GATA2: variants seen among roughly 807,000 people sequenced by gnomAD.
GATA2 encodes the protein endothelial transcription factor GATA-2.
GATA2 carries 6 observed loss-of-function variants against 35.7 expected under a neutral mutation model. That is an observed-to-expected ratio of 0.17 (90% CI 0.09 to 0.33). The LOEUF is 0.33. GATA2 is among the 10% of genes least tolerant of loss of function. The pLI is 1.00. For synonymous variants in GATA2, 313 were observed against 274.9 expected (o/e 1.14, Z -1.37); for missense variants, 541 against 656.6 (o/e 0.82, Z 1.92).
chr3:128,487,950 A>T (rs994000508), intron 1 of GATA2: 1 of 152,230 alleles, frequency 6.6e-6, no homozygotes, highest in East Asian at 1.9e-4. Context: ...GGGGCCGCGC[A>T]CGCCTAAGAA....
intron 1 of GATA2, chr3:128,490,554 A>T (rs2068757807): frequency 6.6e-6 from 1 of 152,230 alleles, no homozygotes; most frequent in South Asian, 2.1e-4. Flanking sequence ...GGACTGCTGC[A>T]TTCTCTGGCG....
chr3:128,484,088 C>A, intron 3 of GATA2, 83 bp from the exon 4 acceptor site: 2 of 1,538,294 alleles, frequency 1.3e-6, no homozygotes, highest in Non-Finnish European at 8.8e-7. Flanking sequence ...AAGCAGCCAG[C>A]CGAGCAGTGC....
rs995190613 is a variant in GATA2 at position 128,484,156 on chromosome 3, G to C, written c.872-151C>G. ...CTGGCTGCAACAGCCTGGGCAGGAA[G>C]AGGGACGAGAGGGTCTCCCACATGG... On this transcript the variant is annotated intron_variant, in intron 3 of 5. Transcript: ENST00000341105. 34 of 894,688 alleles carry C rather than the reference G, an allele frequency of 3.8e-5. No individual in the cohort carries two copies. The African/African-American group carries it at 5.7e-4, about 15-fold the overall frequency. 55.4% of individuals were successfully genotyped at this position (894,688 alleles called of 1,614,324 possible).
At position 128,485,796 on chromosome 3, in the gene GATA2, C is replaced by T. The variant is rs764747992; in HGVS notation, c.802G>A (p.Gly268Arg). 3.1e-6 allele frequency: 5 copies of T among 1,613,878 alleles called. No homozygotes were observed. The highest frequency in any genetic ancestry group is 3.3e-5 in the Admixed American group (2 of 59,988). Residue 268 changes from glycine to arginine, a missense_variant, in exon 3 of 6, where the codon GGA becomes AGA. Physicochemically the swap from Gly to Arg is moderately radical, Grantham distance 125 (BLOSUM62 -2). Around this residue, in one of 5 missense-constraint regions of GATA2, gnomAD observed 389 missense variants for 396.9 expected, o/e 0.98. Transcript: ENST00000341105. ...GAGGCCGGTCCCCCCAGGAAGCCTCCGGGGTGGAAGAGTCCGCTGCTGTAG... is the reference window on the plus strand; with the variant it reads ...GAGGCCGGTCCCCCCAGGAAGCCTCTGGGGTGGAAGAGTCCGCTGCTGTAG... ...HDYSSGLFHP[G>R]GFLGGPASSF...
intron 4 of GATA2, 119 bp from the exon 5 acceptor site, chr3:128,482,063 T>C (rs2068637918): frequency 7.7e-7 from 1 of 1,296,376 alleles, no homozygotes; most frequent in African/African-American, 1.5e-5. Context: ...AAATCTCACA[T>C]GGGAATCAAA....
chr3:128,485,806 G>A lies in GATA2; in HGVS notation c.792C>T (p.Leu264=), dbSNP rs1060503831. 3 of 1,614,038 alleles carry A rather than the reference G, an allele frequency of 1.9e-6. No homozygotes were observed. Among genetic ancestry groups the A allele is most frequent in the Non-Finnish European group, 2.5e-6 (3 of 1,179,940 alleles). ...PAAAHDYSSG[L]FHPGGFLGGP... ...CCCCCAGGAAGCCTCCGGGGTGGAA[G>A]AGTCCGCTGCTGTAGTCGTGGGCAG... Residue 264 remains leucine (L), a synonymous_variant, in exon 3 of 6, where the codon CTC becomes CTT. Coordinates refer to ENST00000341105, the MANE Select transcript of GATA2 (RefSeq NM_032638.5).
At chr3:128,483,010 G>A (rs748870518) in intron 4 of GATA2, among the ~76,000 whole-genome samples, 56 of 152,182 alleles carry the variant, frequency 3.7e-4, no homozygotes, top group Admixed American at 3.9e-4. Context: ...GGAGGGGTGA[G>A]TAAGCAGCCT....
intron 4 of GATA2, among the ~76,000 whole-genome samples, 191 bp downstream of exon 4, chr3:128,483,669 G>A (rs886227740): frequency 8.5e-5 from 13 of 152,192 alleles, no homozygotes; most frequent in African/African-American, 2.9e-4. Context: ...CCCTATACCC[G>A]AGGAGGAAAT....
intron 4 of GATA2, chr3:128,482,228 G>A (rs1035804808): frequency 1.3e-5 from 6 of 479,516 alleles, no homozygotes; most frequent in East Asian, 3.8e-5. Flanking sequence ...ACTACCCTGC[G>A]CTCTAACTCC....
intron 4 of GATA2, among the ~76,000 whole-genome samples, chr3:128,483,045 C>T (rs1429925377): frequency 6.6e-6 from 1 of 152,188 alleles, no homozygotes; most frequent in Non-Finnish European, 1.5e-5. Context: ...GACTCAGGGG[C>T]CAACGCCGCG....
intron 1 of GATA2, chr3:128,489,980 A>ACGCCAGGACCGAGCGGAAG: frequency 6.6e-6 from 1 of 152,312 alleles, no homozygotes; most frequent in South Asian, 2.1e-4. Flanking sequence ...TGGGCTGTGA[A>ACGCCAGGACCGAGCGGAAG]CGCCAGGACC....
chr3:128,481,086 A>G lies in GATA2; in HGVS notation c.1376T>C (p.Ile459Thr), dbSNP rs369407958. 2 of 1,608,530 alleles carry G rather than the reference A, an allele frequency of 1.2e-6. No homozygotes were observed. Among genetic ancestry groups the G allele is most frequent in the Non-Finnish European group, 1.7e-6 (2 of 1,176,000 alleles). ...GAAGGAGAGGCTGGAGGAGGGGTGGATGGGCGTCGGAGTGGGCAGGATGTG... is the reference window on the plus strand; with the variant it reads ...GAAGGAGAGGCTGGAGGAGGGGTGGGTGGGCGTCGGAGTGGGCAGGATGTG... The part of the protein sequence containing the change: ...SGHILPTPTP[I>T]HPSSSLSFGH... Residue 459 changes from isoleucine (I) to threonine (T), a missense_variant, in exon 6 of 6, where the codon ATC becomes ACC. Around this residue, in one of 5 missense-constraint regions of GATA2, gnomAD observed 95 missense variants for 114.0 expected, o/e 0.83. Coordinates refer to ENST00000341105, the MANE Select transcript of GATA2 (RefSeq NM_032638.5).
At position 128,483,763 on chromosome 3, in the gene GATA2, G is replaced by A. The variant is rs181286861; in HGVS notation, c.1017+97C>T. ...TTCATGATAAAAGAGGATTTCAAGCGGCAAAGCGTCTGCATTTGAAGGAGT... is the reference window on the plus strand; with the variant it reads ...TTCATGATAAAAGAGGATTTCAAGCAGCAAAGCGTCTGCATTTGAAGGAGT... On this transcript the variant is annotated intron_variant, in intron 4 of 5. Transcript: ENST00000341105. The A allele has an allele frequency of 1.2e-4, 181 of 1,488,708 alleles. 1 individual carries two copies. The East Asian group carries it at 3.4e-3, about 28-fold the overall frequency. 92.2% of individuals were successfully genotyped at this position (1,488,708 alleles called of 1,614,324 possible).
intron 5 of GATA2, among the ~76,000 whole-genome samples, 182 bp from the exon 6 acceptor site, chr3:128,481,500 T>C (rs776542483): frequency 3.9e-5 from 6 of 152,170 alleles, no homozygotes; most frequent in Non-Finnish European, 7.4e-5. Context: ...GGTTCTGGCA[T>C]ATGGGGCTGA....
chr3:128,484,034 G>T, intron 3 of GATA2, 29 bp from the exon 4 acceptor site: 1 of 1,607,566 alleles, frequency 6.2e-7, no homozygotes. Context: ...AGACACGGGG[G>T]CCTGCTTAAC....
rs1223477650 is a variant in GATA2, at chr3:128,480,302, G to A, written c.*717C>T. The A allele has an allele frequency of 2.6e-5, 6 of 233,278 alleles. No homozygotes were observed. Among genetic ancestry groups the A allele is most frequent in the South Asian group, 1.8e-4 (1 of 5,532 alleles). The allele number at this position is 233,278 out of a possible 1,614,324, so 14.5% of individuals were successfully genotyped here. A position where few individuals can be genotyped will look rare whatever the true frequency, so the allele number is the denominator to read the frequency against. ...AAGGGGACACAGTCACAGCAGCTTC[G>A]GCCTCAAAGCCAAGGGAGCGATCTG... On this transcript the variant is annotated 3_prime_UTR_variant, in exon 6 of 6. Transcript: ENST00000341105.
rs781161922 is a variant in GATA2 at position 128,481,131 on chromosome 3, G to A, written c.1331C>T (p.Pro444Leu). ...GATGTGTCCGGAGTGGCTGAAGGGC[G>A]GGAGGTGGCCCACAGGTGCCATGTG... ...AGHMAPVGHL[P>L]PFSHSGHILP... Residue 444 changes from proline (P) to leucine (L), a missense_variant, in exon 6 of 6, where the codon CCG (proline) becomes CTG (leucine). By Grantham distance (98) the Pro-to-Leu change is moderately conservative (BLOSUM62 -3). Around this residue, in one of 5 missense-constraint regions of GATA2, gnomAD observed 95 missense variants for 114.0 expected, o/e 0.83. Coordinates refer to ENST00000341105, the MANE Select transcript of GATA2 (RefSeq NM_032638.5). The A allele has an allele frequency of 1.2e-5, 19 of 1,614,128 alleles. No individual in the cohort carries two copies. Among genetic ancestry groups the A allele is most frequent in the African/African-American group, 6.7e-5 (5 of 74,946 alleles).
rs2107667774 is a variant in GATA2, at chr3:128,481,111, G to A, written c.1351C>T (p.His451Tyr). The A allele has an allele frequency of 1.2e-6, 2 of 1,614,164 alleles. No individual in the cohort carries two copies. Among genetic ancestry groups the A allele is most frequent in the Non-Finnish European group, 1.7e-6 (2 of 1,180,002 alleles). Residue 451 changes from histidine (H) to tyrosine (Y), a missense_variant, in exon 6 of 6, where the codon CAC (histidine) becomes TAC (tyrosine). This residue lies in a region of GATA2 where 95 missense variants were observed against 114.0 expected (regional missense o/e 0.83). Transcript: ENST00000341105. ...ATGGGCGTCGGAGTGGGCAGGATGT[G>A]TCCGGAGTGGCTGAAGGGCGGGAGG... ...GHLPPFSHSG[H>Y]ILPTPTPIHP...
In GATA2 at chr3:128,480,896, G is replaced by T; in HGVS notation, c.*123C>A. 1 of 1,138,794 alleles carries T rather than the reference G, an allele frequency of 8.8e-7. No individual in the cohort carries two copies. The highest frequency in any genetic ancestry group is 1.2e-6 in the Non-Finnish European group (1 of 817,764). 70.5% of individuals were successfully genotyped at this position (1,138,794 alleles called of 1,614,324 possible). On this transcript the variant is annotated 3_prime_UTR_variant, in exon 6 of 6. Transcript: ENST00000341105. ...TGGCAGGCTGCTGGGCGCCCTCCAG[G>T]AGAGGGGGTGCTGGGCCGAGCCGGG...
Sources: allele counts gnomAD v4.1 joint callset (sites outside exome capture counted in the v4.1 genomes callset), GRCh38; gene constraint gnomAD v4.1.1; regional missense constraint gnomAD v4.1.1; transcripts MANE v1.5; gene names NCBI Gene and HGNC (gene_info 2026-07-23, HGNC 2026-07-21).